MCF2: variants seen among roughly 807,000 people sequenced by gnomAD.
The protein encoded by MCF2 is proto-oncogene DBL.
Under a neutral mutation model 82.5 loss-of-function variants are expected in MCF2, and 44 were observed. The ratio of observed to expected loss-of-function variants is 0.53; its 90% CI spans 0.42 to 0.69. MCF2 has a LOEUF of 0.69. Ranked by LOEUF, MCF2 falls within the 30% of genes least tolerant of loss-of-function variation. The pLI, the probability that MCF2 is intolerant of heterozygous loss-of-function variation, is 0.00. For missense variants in MCF2, 623 were observed against 663.1 expected (o/e 0.94, Z 0.66); for synonymous variants, 217 against 224.9 (o/e 0.96, Z 0.32).
At chrX:139,616,686 G>C (rs1931937584) in intron 8 of MCF2, among the ~76,000 whole-genome samples, 1 of 110,333 alleles carries the variant, frequency 9.1e-6, no homozygotes, top group Non-Finnish European at 1.9e-5. Flanking sequence ...CTTTTACAGA[G>C]CTCCACAGAT....
chrX:139,662,861 A>AT (rs1934394106), intron 1 of MCF2, among the ~76,000 whole-genome samples: 1 of 111,169 alleles, frequency 9.0e-6, no homozygotes, highest in Admixed American at 9.5e-5. Flanking sequence ...CATGTGATGA[A>AT]TTTTTTAGCT....
At chrX:139,593,546 A>G (rs1425034942) in intron 19 of MCF2, among the ~76,000 whole-genome samples, 1 of 111,113 alleles carries the variant, frequency 9.0e-6, no homozygotes, top group African/African-American at 3.3e-5. Context: ...TGAGGCCAGC[A>G]TCATCCTGAT....
chrX:139,593,339 G>A (rs962634449), intron 19 of MCF2, among the ~76,000 whole-genome samples: 6 of 110,666 alleles, frequency 5.4e-5, no homozygotes, highest in Non-Finnish European at 1.1e-4. Flanking sequence ...CAAAAAACCA[G>A]CTCCTGAATC....
chrX:139,621,583 C>T (rs1267966787), intron 6 of MCF2, among the ~76,000 whole-genome samples: 1 of 111,661 alleles, frequency 9.0e-6, no homozygotes, highest in Non-Finnish European at 1.9e-5. Context: ...CGCATATCTA[C>T]AACCATCTGA....
intron 16 of MCF2, among the ~76,000 whole-genome samples, chrX:139,599,786 T>C (rs1302929445): frequency 9.0e-6 from 1 of 111,723 alleles, no homozygotes; most frequent in Non-Finnish European, 1.9e-5. Context: ...AGTTACTATA[T>C]GATCCAGCAC....
chrX:139,602,839 T>C (rs773730555), intron 15 of MCF2, among the ~76,000 whole-genome samples: 2 of 112,381 alleles, frequency 1.8e-5, no homozygotes, highest in African/African-American at 6.4e-5. Context: ...GTCTCTTGAT[T>C]CCCTAGTGAA....
chrX:139,692,061 G>A (rs1935283014), intron 1 of MCF2: 1 of 1,164,396 alleles, frequency 8.6e-7, no homozygotes, highest in Admixed American at 2.6e-5. Flanking sequence ...TGGGTTCTGG[G>A]GCAGGCCTGG....
At chrX:139,598,791 G>A (rs1930300054) in intron 16 of MCF2, among the ~76,000 whole-genome samples, 2 of 111,577 alleles carry the variant, frequency 1.8e-5, no homozygotes, top group Admixed American at 1.9e-4. Flanking sequence ...TGAAAGCAGG[G>A]AATGACTATA....
At chrX:139,664,319 A>G in intron 1 of MCF2, among the ~76,000 whole-genome samples, 1 of 105,958 alleles carries the variant, frequency 9.4e-6, no homozygotes, top group East Asian at 2.8e-4. Context: ...AAAACAAAAA[A>G]CAAAAAAAAA....
chrX:139,649,885 C>G (rs770200390), intron 2 of MCF2, among the ~76,000 whole-genome samples: 14 of 111,544 alleles, frequency 1.3e-4, no homozygotes, highest in African/African-American at 4.6e-4. Flanking sequence ...AGTAAAATCT[C>G]CAAAACTTAA....
At chrX:139,605,727 A>G (rs1930945742) in exon 13 of MCF2, 1 of 1,201,678 alleles carries the variant, frequency 8.3e-7, no homozygotes, top group Non-Finnish European at 1.1e-6. Context: ...AAAACAGTAT[A>G]CAGTTCTCGA....
intron 2 of MCF2, among the ~76,000 whole-genome samples, chrX:139,648,126 C>T (rs755558961): frequency 1.8e-5 from 2 of 111,839 alleles, no homozygotes; most frequent in Admixed American, 9.5e-5. Flanking sequence ...AACCCCAGCA[C>T]TTTGGGAGGC....
At chrX:139,609,479 T>C (rs760214588) in intron 11 of MCF2, among the ~76,000 whole-genome samples, 10 of 110,524 alleles carry the variant, frequency 9.0e-5, no homozygotes, top group Non-Finnish European at 1.7e-4. Context: ...AGCCCAAGAG[T>C]TTGAGGCTGC....
chrX:139,689,776 AAGTCTTCCC>A (rs1260510466), intron 1 of MCF2, among the ~76,000 whole-genome samples: 5 of 109,106 alleles, frequency 4.6e-5, no homozygotes, highest in African/African-American at 1.7e-4. Context: ...TCTCTCCATC[AAGTCTTCCC>A]CTAACTCCCT....
At chrX:139,605,925 T>C in intron 12 of MCF2, 146 bp from the exon 17 acceptor site, 1 of 370,049 alleles carries the variant, frequency 2.7e-6, no homozygotes, top group Non-Finnish European at 4.6e-6. Flanking sequence ...AATATGAAAC[T>C]ACTTTTATGG....
chrX:139,677,926 G>A (rs1356662289), intron 1 of MCF2, among the ~76,000 whole-genome samples: 1 of 111,793 alleles, frequency 8.9e-6, no homozygotes, highest in Non-Finnish European at 1.9e-5. Flanking sequence ...ACTTTGGGAG[G>A]CCAAGGCGTG....
chrX:139,679,920 A>T (rs1934960047), intron 1 of MCF2, among the ~76,000 whole-genome samples: 1 of 110,214 alleles, frequency 9.1e-6, no homozygotes, highest in East Asian at 2.9e-4. Flanking sequence ...GAGCTCCCTC[A>T]TCTTTTCAAA....
intron 1 of MCF2, among the ~76,000 whole-genome samples, chrX:139,690,970 GC>G (rs1287670065): frequency 9.0e-6 from 1 of 111,363 alleles, no homozygotes. Flanking sequence ...CCCACAGCCT[GC>G]AGCATCCTCC....
At chrX:139,612,416 G>T (rs1158675350) in intron 10 of MCF2, among the ~76,000 whole-genome samples, 1 of 110,565 alleles carries the variant, frequency 9.0e-6, no homozygotes, top group Non-Finnish European at 1.9e-5. Flanking sequence ...TTTATTCCTC[G>T]CTGTCAATAT....
Sources: allele counts gnomAD v4.1 joint callset (sites outside exome capture counted in the v4.1 genomes callset), GRCh38; gene constraint gnomAD v4.1.1; transcripts MANE v1.5; gene names NCBI Gene and HGNC (gene_info 2026-07-23, HGNC 2026-07-21).